PIAS1: variants seen among roughly 807,000 people sequenced by gnomAD.
PIAS1 encodes E3 SUMO-protein ligase PIAS1.
PIAS1 carries 6 observed loss-of-function variants against 71.3 expected under a neutral mutation model. The observed-to-expected ratio is 0.08, with a 90% CI of 0.05 to 0.17. The LOEUF (loss-of-function observed/expected upper bound fraction) is 0.17. PIAS1 is among the 10% of genes least tolerant of loss of function. The pLI is 1.00. For synonymous variants in PIAS1, 303 were observed against 292.9 expected (o/e 1.03, Z -0.35); for missense variants, 555 against 793.6 (o/e 0.70, Z 3.61).
At chr15:68,077,492 C>T (rs770473807) in intron 1 of PIAS1, among the ~76,000 whole-genome samples, 4 of 152,120 alleles carry the variant, frequency 2.6e-5, no homozygotes, top group Non-Finnish European at 4.4e-5. Flanking sequence ...AGCCATTGGG[C>T]GGACTTTAAA....
intron 1 of PIAS1, chr15:68,057,587 G>T: frequency 5.4e-6 from 2 of 369,756 alleles, no homozygotes; most frequent in South Asian, 2.0e-5. Flanking sequence ...GTGTGTCAGT[G>T]AATTCTATTG....
intron 8 of PIAS1, among the ~76,000 whole-genome samples, chr15:68,172,060 C>T (rs959453249): frequency 6.6e-6 from 1 of 151,976 alleles, no homozygotes. Flanking sequence ...CTATCCCTCC[C>T]CCAGCCCCCC....
rs1022586890 is a variant in PIAS1, at chr15:68,192,198, C to T, written c.*4363C>T. 1.3e-5 allele frequency: 2 copies of T among 152,020 alleles called. No homozygotes were observed. Among genetic ancestry groups the T allele is most frequent in the African/African-American group, 4.8e-5 (2 of 41,378 alleles). 9.4% of individuals were successfully genotyped at this position (152,020 alleles called of 1,614,324 possible). On this transcript the variant is annotated 3_prime_UTR_variant, in exon 14 of 14. Coordinates refer to ENST00000249636, the MANE Select transcript of PIAS1 (RefSeq NM_016166.3). ...CTTCCTAATGTCCATGACTGGAGCT[C>T]AAAAGAACTGTGGGCCTAGGACCTT... is the stretch of plus-strand genomic sequence containing the variant.
chr15:68,064,515 T>C (rs1032779545), intron 1 of PIAS1, among the ~76,000 whole-genome samples: 1 of 152,232 alleles, frequency 6.6e-6, no homozygotes, highest in Non-Finnish European at 1.5e-5. Context: ...AAATGGAAGA[T>C]AGACCAATGA....
At chr15:68,070,656 G>A (rs1226619689) in intron 1 of PIAS1, among the ~76,000 whole-genome samples, 2 of 152,026 alleles carry the variant, frequency 1.3e-5, no homozygotes, top group Non-Finnish European at 2.9e-5. Flanking sequence ...AAACATACTG[G>A]ATTTCGAAGA....
Position 68,145,105 on chromosome 15 carries a change from A to G in PIAS1, c.603-711A>G, listed in dbSNP as rs541885336. Among the ~76,000 whole-genome samples, 569 of 152,346 alleles carry G rather than the reference A, an allele frequency of 3.7e-3. 3 individuals are homozygous for G. Among genetic ancestry groups the G allele is most frequent in the African/African-American group, 0.012 (489 of 41,588 alleles). On this transcript the variant is annotated intron_variant, in intron 4 of 13. Coordinates refer to ENST00000249636, the MANE Select transcript of PIAS1 (RefSeq NM_016166.3). Reference sequence around the variant, plus strand: ...TAGCAAAATAGTAATAAGAGTGAATAGACTGAGAATTTATGAATTATGTAT... The same window carrying G: ...TAGCAAAATAGTAATAAGAGTGAATGGACTGAGAATTTATGAATTATGTAT...
chr15:68,090,927 G>GGTGGGTGGGT (rs1555425135), intron 2 of PIAS1, among the ~76,000 whole-genome samples: 1 of 142,762 alleles, frequency 7.0e-6, no homozygotes, highest in African/African-American at 2.6e-5. Context: ...GTCATTTACG[G>GGTGGGTGGGT]GTGTGTGTGT....
chr15:68,129,868 C>T (rs1363365774), intron 2 of PIAS1, among the ~76,000 whole-genome samples: 2 of 150,124 alleles, frequency 1.3e-5, no homozygotes, highest in Admixed American at 1.3e-4. Context: ...CTTATAAGTC[C>T]CTATAGTTGT....
At chr15:68,073,854 A>T (rs1160551789) in intron 1 of PIAS1, among the ~76,000 whole-genome samples, 22 of 152,290 alleles carry the variant, frequency 1.4e-4, no homozygotes, top group East Asian at 9.6e-4. Context: ...AATGACTTGG[A>T]GAGGATAATA....
At position 68,176,586 on chromosome 15, in the gene PIAS1, G is replaced by A. The variant is rs1206197575; in HGVS notation, c.1413G>A (p.Glu471=). ...CCATAGACAGTTCATCTGATGAAGAGGAAGAAGAGCCATCTGCCAAGAGGA... is the reference window on the plus strand; with the variant it reads ...CCATAGACAGTTCATCTGATGAAGAAGAAGAAGAGCCATCTGCCAAGAGGA... ...DLTIDSSSDE[E]EEEPSAKRTC... is the part of the protein sequence containing the mutation. The change falls in exon 11 of 14, where the codon GAG becomes GAA. Residue 471 remains glutamate (E), a synonymous_variant. Coordinates refer to ENST00000249636, the MANE Select transcript of PIAS1 (RefSeq NM_016166.3). 6.2e-7 allele frequency: 1 copy of A among 1,612,920 alleles called. No homozygotes were observed. The highest frequency in any genetic ancestry group is 1.7e-5 in the Admixed American group (1 of 59,832).
chr15:68,091,320 T>C (rs1248611911), intron 2 of PIAS1, among the ~76,000 whole-genome samples: 1 of 152,178 alleles, frequency 6.6e-6, no homozygotes, highest in East Asian at 1.9e-4. Flanking sequence ...ATATTGTTTA[T>C]AGTTATTGTT....
At position 68,193,310 on chromosome 15, in the gene PIAS1, C is replaced by T. The variant is rs1223014441; in HGVS notation, c.*5475C>T. 6.6e-6 allele frequency: 1 copy of T among 152,316 alleles called. No individual in the cohort carries two copies. The highest frequency in any genetic ancestry group is 1.5e-5 in the Non-Finnish European group (1 of 68,108). The allele number at this position is 152,316 out of a possible 1,614,324, so 9.4% of individuals were successfully genotyped here. On this transcript the variant is annotated 3_prime_UTR_variant, in exon 14 of 14. Transcript: ENST00000249636. ...GGTGTGGGGTGTAAAGTAGATCGCTCTTCCTGCTCTCAGCTGATGCTGCCT... is the reference window on the plus strand; with the variant it reads ...GGTGTGGGGTGTAAAGTAGATCGCTTTTCCTGCTCTCAGCTGATGCTGCCT...
At chr15:68,110,991 G>C (rs1424272040) in intron 2 of PIAS1, among the ~76,000 whole-genome samples, 1 of 152,122 alleles carries the variant, frequency 6.6e-6, no homozygotes, top group Non-Finnish European at 1.5e-5. Context: ...CTGGTTGGCT[G>C]TGTGCTTTTT....
chr15:68,075,078 C>CTTTTT (rs146114696), intron 1 of PIAS1, among the ~76,000 whole-genome samples: 68 of 81,774 alleles, frequency 8.3e-4, no homozygotes, highest in East Asian at 6.2e-3. Context: ...TTCTTTCTTT[C>CTTTTT]TTTTTTTTTT....
rs145866245 is a variant in PIAS1 at position 68,110,330 on chromosome 15, C to G, written c.469+23580C>G. ...ATACTTACGGCTGGGTGCAGTGGTT[C>G]ACGCCTGTAATCCCAGCACTTTGGG... On this transcript the variant is annotated intron_variant, in intron 2 of 13. Transcript: ENST00000249636. Among the ~76,000 whole-genome samples the G allele has an allele frequency of 9.0e-4, 137 of 152,230 alleles. 1 individual carries two copies. The highest frequency in any genetic ancestry group is 2.9e-3 in the African/African-American group (119 of 41,540).
At chr15:68,085,753 A>T (rs2092274995) in intron 1 of PIAS1, among the ~76,000 whole-genome samples, 1 of 152,224 alleles carries the variant, frequency 6.6e-6, no homozygotes, top group South Asian at 2.1e-4. Context: ...AATATCTGAT[A>T]TATAATTGGT....
At chr15:68,125,072 A>T (rs982150309) in intron 2 of PIAS1, among the ~76,000 whole-genome samples, 1 of 152,196 alleles carries the variant, frequency 6.6e-6, no homozygotes, top group Non-Finnish European at 1.5e-5. Context: ...CTATGTAAAC[A>T]CTATTTGTAA....
chr15:68,091,868 A>C (rs997829129), intron 2 of PIAS1, among the ~76,000 whole-genome samples: 4 of 152,220 alleles, frequency 2.6e-5, no homozygotes, highest in Non-Finnish European at 5.9e-5. Context: ...TGGTTTTGTT[A>C]CCAACAGAAT....
rs1352454971 is a variant in PIAS1 at position 68,185,049 on chromosome 15, T to C, written c.1662+1382T>C. 3.9e-5 allele frequency: 6 copies of C among 152,900 alleles called. No homozygotes were observed. Among genetic ancestry groups the C allele is most frequent in the Admixed American group, 3.9e-4 (6 of 15,292 alleles). 9.5% of individuals were successfully genotyped at this position (152,900 alleles called of 1,614,324 possible). ...AACATACTTTTCAAGATGATGATTT[T>C]TGTTGATAATGCTCCCACACATCCT... On this transcript the variant is annotated intron_variant, in intron 13 of 13. Transcript: ENST00000249636. This position sits in a 1 kb window ranked among gnomAD's most constrained non-coding sequence, Gnocchi z 4.4.
Sources: gnomAD v4.1 joint callset for allele counts (sites outside exome capture counted in the v4.1 genomes callset) on GRCh38, gnomAD v4.1.1 for gene constraint, Gnocchi (gnomAD v3.1) non-coding constraint, MANE v1.5 for transcripts, NCBI Gene and HGNC (gene_info 2026-07-23, HGNC 2026-07-21) for gene names.